SNAPC5: variants seen among roughly 807,000 people sequenced by gnomAD.
The protein encoded by SNAPC5 is small nuclear RNA activating complex polypeptide 5, also known as snRNA-activating protein complex subunit 5.
In SNAPC5, 12 loss-of-function variants were observed where a neutral mutation model predicts 9.1. The ratio of observed to expected loss-of-function variants is 1.32; its 90% CI spans 0.85 to 2.15. The LOEUF is 2.15. Among genes scored for constraint, SNAPC5 ranks in the 30% most tolerant of loss-of-function variants. SNAPC5 has a pLI of 0.00. For synonymous variants in SNAPC5, 52 were observed against 47.3 expected, an observed-to-expected ratio of 1.10 and a Z score of -0.41; for missense variants, 132 against 114.4, an observed-to-expected ratio of 1.15 and a Z score of -0.70.
chr15:66,490,905 T>C, downstream of SNAPC5: 1 of 501,136 alleles, frequency 2.0e-6, no homozygotes, highest in South Asian at 2.0e-5. Flanking sequence ...TTTTGGTGAA[T>C]GTGGGTAGTC....
At position 66,494,381 on chromosome 15, in the gene SNAPC5, C is replaced by A; in HGVS notation, c.*55G>T. On this transcript the variant is annotated 3_prime_UTR_variant, in exon 3 of 3. Transcript: ENST00000316634. ...AGATGATTTCCTTGAGGAGAAGTAG[C>A]CTGAGCCTTAGAAATGCAATTTGTA... 2 of 1,184,652 alleles carry A rather than the reference C, an allele frequency of 1.7e-6. No homozygotes were observed. The highest frequency in any genetic ancestry group is 2.5e-5 in the South Asian group (2 of 80,966). The allele number at this position is 1,184,652 out of a possible 1,614,324, so 73.4% of individuals were successfully genotyped here.
At chr15:66,490,445 G>A (rs762744879), downstream of SNAPC5, 3 of 1,252,948 alleles carry the variant, frequency 2.4e-6, no homozygotes, top group East Asian at 4.6e-5. Flanking sequence ...CCTTCCTGGT[G>A]GGTTTTGTTT....
chr15:66,491,124 AT>A, downstream of SNAPC5: 1 of 284,600 alleles, frequency 3.5e-6, no homozygotes, highest in Non-Finnish European at 6.7e-6. Context: ...ATGTTATTTT[AT>A]TATTATTATT....
chr15:66,495,578 GT>G (rs1305464136), intron 1 of SNAPC5, among the ~76,000 whole-genome samples, 159 bp from the exon 2 acceptor site: 1 of 152,178 alleles, frequency 6.6e-6, no homozygotes. Context: ...AGGCTCTTAG[GT>G]TTTCTCTCTT....
chr15:66,497,496 G>A (rs1893477317), intron 1 of SNAPC5, 146 bp downstream of exon 1: 2 of 750,166 alleles, frequency 2.7e-6, no homozygotes, highest in African/African-American at 1.7e-5. Flanking sequence ...ATACCTGTTT[G>A]TTTGTAAACC....
downstream of SNAPC5, chr15:66,490,282 CTCCA>C: frequency 1.5e-6 from 1 of 678,448 alleles, no homozygotes. Flanking sequence ...CACGAGTAGG[CTCCA>C]AGAGGTGACT....
chr15:66,495,909 A>G (rs895026969), intron 1 of SNAPC5, among the ~76,000 whole-genome samples: 4 of 152,218 alleles, frequency 2.6e-5, no homozygotes, highest in Non-Finnish European at 1.5e-5. Context: ...AGAAACACAA[A>G]TAAGTGGAGG....
chr15:66,489,916 T>G, downstream of SNAPC5: 6 of 755,870 alleles, frequency 7.9e-6, no homozygotes, highest in South Asian at 8.4e-5. Context: ...ACCAGTCTCC[T>G]TTGCTCTCCC....
downstream of SNAPC5, chr15:66,492,021 C>T (rs1456039348): frequency 2.2e-6 from 1 of 456,678 alleles, no homozygotes; most frequent in Admixed American, 2.3e-5. Flanking sequence ...GAGCTTTCTG[C>T]ACAACATAGG....
downstream of SNAPC5, chr15:66,490,389 C>T (rs41315966): frequency 1.6e-3 from 1,375 of 838,584 alleles, 3 homozygotes; most frequent in Non-Finnish European, 2.0e-3. Flanking sequence ...GCCAGGTGCT[C>T]TTTCCAAGTG....
At chr15:66,492,194 A>ATTTGAGGC (rs1182970372), downstream of SNAPC5, 1 of 376,244 alleles carries the variant, frequency 2.7e-6, no homozygotes, top group African/African-American at 2.1e-5. Context: ...TTTTAGGTAC[A>ATTTGAGGC]TTTGAGGCTG....
chr15:66,494,716 A>G (rs1330990543), intron 2 of SNAPC5, among the ~76,000 whole-genome samples, 164 bp from the exon 3 acceptor site: 1 of 152,232 alleles, frequency 6.6e-6, no homozygotes, highest in East Asian at 1.9e-4. Context: ...CTCCATTACC[A>G]AAATGGGGCA....
chr15:66,491,734 TCTC>T (rs1021907177), downstream of SNAPC5: 13 of 345,350 alleles, frequency 3.8e-5, no homozygotes, highest in African/African-American at 6.5e-5. Flanking sequence ...GTCCAGCTCT[TCTC>T]ACCCAACACC....
intron 1 of SNAPC5, among the ~76,000 whole-genome samples, chr15:66,496,492 G>A (rs1893438353): frequency 6.6e-6 from 1 of 151,266 alleles, no homozygotes; most frequent in Non-Finnish European, 1.5e-5. Flanking sequence ...AAAGAATGCT[G>A]AGCAGGGATT....
intron 1 of SNAPC5, 23 bp downstream of exon 1, chr15:66,497,619 G>GCTCT: frequency 6.2e-7 from 1 of 1,606,652 alleles, no homozygotes; most frequent in Non-Finnish European, 8.5e-7. Flanking sequence ...TGGAGGAGGG[G>GCTCT]CAGGAGAGGG....
At chr15:66,496,514 C>T (rs1893439789) in intron 1 of SNAPC5, among the ~76,000 whole-genome samples, 1 of 149,218 alleles carries the variant, frequency 6.7e-6, no homozygotes, top group South Asian at 2.1e-4. Flanking sequence ...GCATAATAAC[C>T]TCCCTGGGAC....
At chr15:66,495,536 C>A in intron 1 of SNAPC5, 117 bp from the exon 2 acceptor site, 1 of 671,894 alleles carries the variant, frequency 1.5e-6, no homozygotes, top group Non-Finnish European at 2.7e-6. Context: ...AAAACTATCT[C>A]TGTGTTGCTC....
downstream of SNAPC5, chr15:66,490,921 T>TA: frequency 2.1e-6 from 1 of 485,668 alleles, no homozygotes; most frequent in Non-Finnish European, 3.8e-6. Flanking sequence ...TAGTCATTCT[T>TA]ACAATTGCAC....
intron 2 of SNAPC5, 193 bp downstream of exon 2, chr15:66,495,137 A>C (rs1357465997): frequency 3.4e-6 from 2 of 592,936 alleles, no homozygotes; most frequent in Admixed American, 2.8e-5. Flanking sequence ...TTAATTAATT[A>C]GTGTATAACT....
Sources: allele counts gnomAD v4.1 joint callset (sites outside exome capture counted in the v4.1 genomes callset), GRCh38; gene constraint gnomAD v4.1.1; transcripts MANE v1.5; gene names NCBI Gene and HGNC (gene_info 2026-07-23, HGNC 2026-07-21).